ROBO1: variants seen among roughly 807,000 people sequenced by gnomAD.
ROBO1 encodes roundabout homolog 1.
ROBO1 carries 149 observed loss-of-function variants against 195.9 expected under a neutral mutation model. That is an observed-to-expected ratio of 0.76 (90% CI 0.67 to 0.87). The LOEUF (loss-of-function observed/expected upper bound fraction) is 0.87, where lower values mean the gene tolerates loss of function less well. ROBO1 is among the 40% of genes least tolerant of loss of function. The pLI, the probability that ROBO1 is intolerant of heterozygous loss-of-function variation, is 0.00. For synonymous variants in ROBO1, 816 were observed against 733.2 expected (o/e 1.11, Z -1.82); for missense variants, 1,933 against 2,068.3 (o/e 0.93, Z 1.27).
rs562685066 is a variant in ROBO1, at chr3:78,872,180, C to A, written c.499+66421G>T. The stretch of plus-strand genomic sequence containing the variant: ...GCCTGGGGAATTTTCTGACTTCTAA[C>A]AAATACTCTTTTCTGTGACTACTTG... On this transcript the variant is annotated intron_variant, in intron 4 of 30. Transcript: ENST00000464233. Among the ~76,000 whole-genome samples the A allele has an allele frequency of 2.6e-5, 4 of 152,292 alleles. No individual in the cohort carries two copies. The East Asian group carries it at 7.7e-4, about 29-fold the overall frequency.
intron 2 of ROBO1, among the ~76,000 whole-genome samples, chr3:79,397,569 T>C (rs2037201106): frequency 6.6e-6 from 1 of 152,156 alleles, no homozygotes; most frequent in Non-Finnish European, 1.5e-5. Flanking sequence ...TAATAAAAAT[T>C]AGTAATTTTG....
intron 4 of ROBO1, among the ~76,000 whole-genome samples, chr3:78,880,769 C>T (rs185262396): frequency 6.6e-6 from 1 of 152,192 alleles, no homozygotes; most frequent in African/African-American, 2.4e-5. Context: ...TAAAGAGCAG[C>T]TATTTATGTC....
intron 1 of ROBO1, among the ~76,000 whole-genome samples, chr3:79,597,160 G>GACT (rs1237415178): frequency 6.6e-6 from 1 of 151,250 alleles, no homozygotes; most frequent in Non-Finnish European, 1.5e-5. Flanking sequence ...TATTATGACT[G>GACT]ACTAATCTAC....
intron 3 of ROBO1, among the ~76,000 whole-genome samples, chr3:79,064,040 C>T (rs1218542582): frequency 1.3e-5 from 2 of 151,560 alleles, no homozygotes; most frequent in Non-Finnish European, 2.9e-5. Context: ...GTAGAGCAAC[C>T]GTAGCTAATA....
intron 1 of ROBO1, among the ~76,000 whole-genome samples, chr3:79,730,615 T>A (rs982258791): frequency 3.9e-5 from 6 of 152,130 alleles, no homozygotes; most frequent in African/African-American, 1.4e-4. Flanking sequence ...GAATGCTTTC[T>A]TTTCATTTCA....
intron 1 of ROBO1, among the ~76,000 whole-genome samples, chr3:79,685,826 A>G (rs1457599828): frequency 6.6e-6 from 1 of 152,158 alleles, no homozygotes; most frequent in African/African-American, 2.4e-5. Context: ...TTCTGAAACT[A>G]TTCCAATCAA....
chr3:79,042,521 C>T (rs2078507855), intron 3 of ROBO1, among the ~76,000 whole-genome samples: 1 of 151,936 alleles, frequency 6.6e-6, no homozygotes, highest in South Asian at 2.1e-4. Flanking sequence ...AATAATTTTG[C>T]TTTGTAATTT....
At chr3:79,341,525 G>A (rs1048049053) in intron 2 of ROBO1, among the ~76,000 whole-genome samples, 39 of 151,348 alleles carry the variant, frequency 2.6e-4, no homozygotes, top group Middle Eastern at 3.4e-3. Context: ...ATTACAGATC[G>A]GGTGGGAGGT....
chr3:79,467,521 G>T (rs1336050581), intron 2 of ROBO1, among the ~76,000 whole-genome samples: 1 of 151,728 alleles, frequency 6.6e-6, no homozygotes, highest in Non-Finnish European at 1.5e-5. Context: ...GGAGAGAAGA[G>T]AAGGAGTGTC....
chr3:79,114,253 G>C (rs1171456022), intron 3 of ROBO1, among the ~76,000 whole-genome samples: 1 of 152,154 alleles, frequency 6.6e-6, no homozygotes, highest in Non-Finnish European at 1.5e-5. Context: ...CAATAACCCA[G>C]TGGAGATTTA....
chr3:79,509,663 G>A (rs774595977), intron 2 of ROBO1, among the ~76,000 whole-genome samples: 29 of 151,854 alleles, frequency 1.9e-4, no homozygotes, highest in Non-Finnish European at 2.6e-4. Flanking sequence ...ACATTACCCC[G>A]CACTTAACAC....
At chr3:79,465,389 T>C (rs1296732938) in intron 2 of ROBO1, among the ~76,000 whole-genome samples, 2 of 152,176 alleles carry the variant, frequency 1.3e-5, no homozygotes, top group Non-Finnish European at 2.9e-5. Flanking sequence ...TGTTTTCCTT[T>C]ATTTTGTTGG....
chr3:78,601,135 C>T (rs1703145831), intron 29 of ROBO1, among the ~76,000 whole-genome samples: 1 of 152,144 alleles, frequency 6.6e-6, no homozygotes. Flanking sequence ...ACATAAATAC[C>T]TAACTCTTTG....
At chr3:79,088,745 C>T (rs80089499) in intron 3 of ROBO1, among the ~76,000 whole-genome samples, 1 of 151,976 alleles carries the variant, frequency 6.6e-6, no homozygotes, top group Non-Finnish European at 1.5e-5. Context: ...TAATAATAAC[C>T]AAATGTTAAC....
At chr3:79,367,222 T>C (rs1389234555) in intron 2 of ROBO1, among the ~76,000 whole-genome samples, 1 of 152,178 alleles carries the variant, frequency 6.6e-6, no homozygotes, top group Non-Finnish European at 1.5e-5. Flanking sequence ...TTTTTTCTCT[T>C]GACTCACTGT....
chr3:79,658,771 ATT>A (rs377111978), intron 1 of ROBO1, among the ~76,000 whole-genome samples: 4 of 142,020 alleles, frequency 2.8e-5, no homozygotes, highest in East Asian at 2.1e-4. Flanking sequence ...TTCAAAATCT[ATT>A]TTTTTTTTTT....
At chr3:78,712,503 A>G (rs751651936) in intron 8 of ROBO1, among the ~76,000 whole-genome samples, 61 of 152,118 alleles carry the variant, frequency 4.0e-4, no homozygotes, top group Non-Finnish European at 5.7e-4. Context: ...GCAGTTGGGA[A>G]TCATGTTACT....
intron 2 of ROBO1, among the ~76,000 whole-genome samples, chr3:79,430,300 C>T (rs894810220): frequency 1.3e-5 from 2 of 151,984 alleles, no homozygotes; most frequent in African/African-American, 4.8e-5. Flanking sequence ...CTGCTTAATT[C>T]ATGTTTAATT....
At chr3:79,546,921 C>G (rs1486902917) in intron 2 of ROBO1, among the ~76,000 whole-genome samples, 1 of 152,156 alleles carries the variant, frequency 6.6e-6, no homozygotes, top group East Asian at 1.9e-4. Flanking sequence ...GTGGCTCACG[C>G]CTGTAATCCC....
Sources: gnomAD v4.1 joint callset for allele counts (sites outside exome capture counted in the v4.1 genomes callset) on GRCh38, gnomAD v4.1.1 for gene constraint, MANE v1.5 for transcripts, NCBI Gene and HGNC (gene_info 2026-07-23, HGNC 2026-07-21) for gene names.